Variants in RRAS2 observed in about 807,000 individuals in gnomAD.
RRAS2 encodes the protein ras-related protein R-Ras2.
RRAS2 carries 7 observed loss-of-function variants against 27.6 expected under a neutral mutation model. That is an observed-to-expected ratio of 0.25 (90% CI 0.14 to 0.48). The LOEUF is 0.48. Ranked by LOEUF, RRAS2 falls within the 20% of genes least tolerant of loss-of-function variation. The pLI, the probability that RRAS2 is intolerant of heterozygous loss-of-function variation, is 0.99. For synonymous variants in RRAS2, 86 were observed against 90.9 expected (o/e 0.95, Z 0.31); for missense variants, 178 against 256.2 (o/e 0.69, Z 2.08).
intron 1 of RRAS2, among the ~76,000 whole-genome samples, chr11:14,356,936 CGCCACCATGCCCG>C (rs1210379484): frequency 6.6e-6 from 1 of 151,696 alleles, no homozygotes; most frequent in Non-Finnish European, 1.5e-5. Context: ...TACAGGCGCG[CGCCACCATGCCCG>C]GCTAATTTTT....
intron 5 of RRAS2, among the ~76,000 whole-genome samples, chr11:14,280,520 G>C (rs1437607961): frequency 6.6e-6 from 1 of 151,826 alleles, no homozygotes; most frequent in Non-Finnish European, 1.5e-5. Context: ...GAGGTCAGGA[G>C]TTCGAGACCA....
chr11:14,311,910 G>A (rs552858672), intron 1 of RRAS2, among the ~76,000 whole-genome samples: 234 of 151,884 alleles, frequency 1.5e-3, no homozygotes, highest in Admixed American at 3.2e-3. Flanking sequence ...TGTTGCCCAG[G>A]CTGGAGTGCA....
Position 14,300,517 on chromosome 11 carries a change from T to C in RRAS2, c.109-4662A>G, listed in dbSNP as rs551408653. 2.0e-4 allele frequency among the ~76,000 whole-genome samples: 30 copies of C among 152,008 alleles called. No homozygotes were observed. In the South Asian group the frequency reaches 3.5e-3, roughly 18 times the overall value. On this transcript the variant is annotated intron_variant, in intron 1 of 5. Transcript: ENST00000256196. Reference sequence around the variant, plus strand: ...ATTGCTTGAGCCCAGAAAGATGAGGTTGCAGTGAGCCATGATGGCACCACT... The same window carrying C: ...ATTGCTTGAGCCCAGAAAGATGAGGCTGCAGTGAGCCATGATGGCACCACT...
intron 1 of RRAS2, among the ~76,000 whole-genome samples, chr11:14,343,672 A>G (rs1848766368): frequency 6.6e-6 from 1 of 151,876 alleles, no homozygotes; most frequent in African/African-American, 2.4e-5. Context: ...CTCTACCAAA[A>G]AAAATACAAA....
intron 1 of RRAS2, among the ~76,000 whole-genome samples, chr11:14,344,987 A>T (rs10832244): frequency 0.99 from 133,852 of 134,862 alleles, 66,421 homozygotes; most frequent in South Asian, 1. Flanking sequence ...TCAAGACTTT[A>T]TTTTTTTTTT....
chr11:14,353,553 C>T (rs1849009911), intron 1 of RRAS2, among the ~76,000 whole-genome samples: 2 of 151,412 alleles, frequency 1.3e-5, no homozygotes, highest in Non-Finnish European at 2.9e-5. Flanking sequence ...CACGCCATTG[C>T]ACCACTGCAC....
chr11:14,298,760 T>G lies in RRAS2; in HGVS notation c.109-2905A>C, dbSNP rs137938988. 6.2e-3 allele frequency among the ~76,000 whole-genome samples: 897 copies of G among 144,028 alleles called. 28 individuals are homozygous for G. The highest frequency in any genetic ancestry group is 0.025 in the East Asian group (123 of 5,004). The allele number at this position is 144,028 out of a possible 152,430, so 94.5% of individuals were successfully genotyped here. A position where few individuals can be genotyped will look rare whatever the true frequency, so the allele number is the denominator to read the frequency against. ...CAATCCTCCTCCAACGAAACATCACTCTGGGAACTGCCTATCATAGAATCA... is the reference window on the plus strand; with the variant it reads ...CAATCCTCCTCCAACGAAACATCACGCTGGGAACTGCCTATCATAGAATCA... On this transcript the variant is annotated intron_variant, in intron 1 of 5. Coordinates refer to ENST00000256196, the MANE Select transcript of RRAS2 (RefSeq NM_012250.6).
chr11:14,358,831 T>A lies in RRAS2; in HGVS notation c.40A>T (p.Lys14Ter). The change falls in exon 1 of 6, where the codon AAG becomes TAG. Residue 14 changes from lysine to a stop codon, truncating the protein, a stop_gained. Transcript: ENST00000256196. LOFTEE classifies it high-confidence loss of function. The surrounding 1 kb of genome is among the most constrained non-coding windows in gnomAD (Gnocchi z 5.1). ...CCGCCGACCACCACGAGCCGGTACT[T>A]CTCCTGGCCGGAGCCGTCCCGCCAG... is the stretch of plus-strand genomic sequence containing the variant. ...AGWRDGSGQE[K>*]YRLVVVGGGG... The A allele has an allele frequency of 6.7e-7, 1 of 1,491,176 alleles. No individual in the cohort carries two copies. The highest frequency in any genetic ancestry group is 1.2e-5 in the South Asian group (1 of 82,874). The allele number at this position is 1,491,176 out of a possible 1,614,324, so 92.4% of individuals were successfully genotyped here. A position where few individuals can be genotyped will look rare whatever the true frequency, so the allele number is the denominator to read the frequency against.
At chr11:14,306,793 C>G (rs1554948129) in intron 1 of RRAS2, among the ~76,000 whole-genome samples, 1 of 151,942 alleles carries the variant, frequency 6.6e-6, no homozygotes, top group East Asian at 1.9e-4. Context: ...ATACCATGCC[C>G]TAGCATAGTT....
intron 1 of RRAS2, among the ~76,000 whole-genome samples, chr11:14,329,604 T>C (rs1323547493): frequency 1.3e-5 from 2 of 152,222 alleles, no homozygotes; most frequent in African/African-American, 4.8e-5. Context: ...CACCTGGATC[T>C]GATTCCTGCA....
At chr11:14,329,117 A>AT (rs1355005503) in intron 1 of RRAS2, among the ~76,000 whole-genome samples, 12 of 150,380 alleles carry the variant, frequency 8.0e-5, no homozygotes, top group Non-Finnish European at 1.3e-4. Context: ...ATATATATAT[A>AT]TATTTTTTTT....
chr11:14,281,791 A>AG (rs1849544295), intron 4 of RRAS2, 71 bp from the exon 5 acceptor site: 3 of 1,313,376 alleles, frequency 2.3e-6, no homozygotes, highest in Admixed American at 2.4e-5. Context: ...TCCTGGCCAC[A>AG]GATTGTGCTA....
At chr11:14,349,342 T>C (rs1848903994) in intron 1 of RRAS2, among the ~76,000 whole-genome samples, 1 of 150,452 alleles carries the variant, frequency 6.6e-6, no homozygotes, top group South Asian at 2.1e-4. Context: ...TTTGTATTTT[T>C]AGTAAAGAGG....
At chr11:14,331,317 A>T (rs1364416124) in intron 1 of RRAS2, among the ~76,000 whole-genome samples, 1 of 152,178 alleles carries the variant, frequency 6.6e-6, no homozygotes, top group Admixed American at 6.5e-5. Context: ...TATTCTAATG[A>T]TCTAACATAT....
At chr11:14,293,903 A>G (rs1847480431) in intron 4 of RRAS2, among the ~76,000 whole-genome samples, 1 of 152,226 alleles carries the variant, frequency 6.6e-6, no homozygotes, top group African/African-American at 2.4e-5. Context: ...GTAAGTGGGT[A>G]AAGAAACAAG....
intron 4 of RRAS2, among the ~76,000 whole-genome samples, chr11:14,283,198 C>T (rs10832240): frequency 0.27 from 40,387 of 152,064 alleles, 6,123 homozygotes; most frequent in East Asian, 0.37. Flanking sequence ...CCTTTTTAGA[C>T]TGCTAATATG....
chr11:14,364,184 G>A (rs1554956467), intron 1 of RRAS2, among the ~76,000 whole-genome samples: 1 of 152,174 alleles, frequency 6.6e-6, no homozygotes, highest in Non-Finnish European at 1.5e-5. Context: ...CATCTCATCT[G>A]GACTGTTGGT....
At chr11:14,309,348 A>C (rs1386120844) in intron 1 of RRAS2, among the ~76,000 whole-genome samples, 1 of 152,248 alleles carries the variant, frequency 6.6e-6, no homozygotes, top group Non-Finnish European at 1.5e-5. Flanking sequence ...ACCCCACTTA[A>C]TCTACAAATA....
At position 14,299,765 on chromosome 11, in the gene RRAS2, G is replaced by A. The variant is rs144569126; in HGVS notation, c.109-3910C>T. ...GCCTTTTATACAACCACCAGTAGTTGAGGTATTACTGGGGGCAAGAGAAGG... is the reference window on the plus strand; with the variant it reads ...GCCTTTTATACAACCACCAGTAGTTAAGGTATTACTGGGGGCAAGAGAAGG... On this transcript the variant is annotated intron_variant, in intron 1 of 5. Transcript: ENST00000256196. Among the ~76,000 whole-genome samples, 4 of 152,264 alleles carry A rather than the reference G, an allele frequency of 2.6e-5. No individual in the cohort carries two copies. In the East Asian group the frequency reaches 5.8e-4, roughly 22 times the overall value.
Sources: allele counts gnomAD v4.1 joint callset (sites outside exome capture counted in the v4.1 genomes callset), GRCh38; gene constraint gnomAD v4.1.1; non-coding constraint Gnocchi (gnomAD v3.1); transcripts MANE v1.5; gene names NCBI Gene and HGNC (gene_info 2026-07-23, HGNC 2026-07-21).